Variants in OSBPL10 observed in about 807,000 individuals in gnomAD.
OSBPL10 encodes the protein oxysterol binding protein like 10, also known as oxysterol-binding protein-related protein 10.
In OSBPL10, 49 loss-of-function variants were observed where a neutral mutation model predicts 81.7. The ratio of observed to expected loss-of-function variants is 0.60; its 90% CI spans 0.48 to 0.76. The LOEUF (loss-of-function observed/expected upper bound fraction) is 0.76, where lower values mean the gene tolerates loss of function less well. Ranked by LOEUF, OSBPL10 falls within the 30% of genes least tolerant of loss-of-function variation. The pLI is 0.00. For synonymous variants in OSBPL10, 419 were observed against 383.6 expected (o/e 1.09, Z -1.08); for missense variants, 923 against 987.8 (o/e 0.93, Z 0.88).
At chr3:31,723,321 G>A (rs1430302543) in intron 6 of OSBPL10, among the ~76,000 whole-genome samples, 1 of 152,198 alleles carries the variant, frequency 6.6e-6, no homozygotes. Flanking sequence ...GGCACCTCAT[G>A]GAGTCCACGG....
chr3:31,876,211 C>G lies in OSBPL10; in HGVS notation c.537+222G>C, dbSNP rs146145883. Among the ~76,000 whole-genome samples, 94 of 152,266 alleles carry G rather than the reference C, an allele frequency of 6.2e-4. No homozygotes were observed. The East Asian group carries it at 0.012, about 19-fold the overall frequency. On this transcript the variant is annotated intron_variant, in intron 3 of 11. Transcript: ENST00000396556. ...GAATGCAAAAGTGTCTTTCCAGATT[C>G]GGTTCCCATAGTGTCTGCGTGCCTG...
chr3:31,706,423 G>T (rs1193869333), intron 6 of OSBPL10, among the ~76,000 whole-genome samples: 1 of 152,136 alleles, frequency 6.6e-6, no homozygotes, highest in African/African-American at 2.4e-5. Context: ...AGCCTCTTGA[G>T]GACCAAAGGC....
chr3:31,692,645 T>G (rs969183607), intron 7 of OSBPL10, among the ~76,000 whole-genome samples: 2 of 152,230 alleles, frequency 1.3e-5, no homozygotes, highest in African/African-American at 4.8e-5. Flanking sequence ...ATTTCAGATT[T>G]AAACTGTTTT....
In OSBPL10 at chr3:32,031,269, CTG is replaced by C. The variant is rs1254314819; in HGVS notation, n.298+15220_298+15221del. Among the ~76,000 whole-genome samples the C allele has an allele frequency of 7.2e-5, 11 of 151,946 alleles. No individual in the cohort carries two copies. In the East Asian group the frequency reaches 1.7e-3, roughly 24 times the overall value. On this transcript the variant is annotated intron_variant and non_coding_transcript_variant, in intron 2 of 3. Transcript: ENST00000479173. ...TATTTTACAATTTCAGGGAGAGTAA[CTG>C]TGTTTATCATATTTGAATCTAAAAT...
intron 4 of OSBPL10, among the ~76,000 whole-genome samples, chr3:31,802,968 CTTTTTTT>C (rs376218656): frequency 1.5e-4 from 19 of 129,990 alleles, no homozygotes; most frequent in Non-Finnish European, 1.6e-4. Flanking sequence ...GTATTGGGTC[CTTTTTTT>C]TTTTTTTTTT....
At chr3:31,935,241 G>A (rs1697352488) in intron 1 of OSBPL10, among the ~76,000 whole-genome samples, 2 of 152,092 alleles carry the variant, frequency 1.3e-5, no homozygotes, top group Non-Finnish European at 2.9e-5. Flanking sequence ...TATAATTTTT[G>A]CCACCCAGAG....
chr3:31,833,697 ACG>A (rs143927166), intron 3 of OSBPL10, among the ~76,000 whole-genome samples: 39,701 of 126,538 alleles, frequency 0.31, 5,868 homozygotes, highest in Admixed American at 0.46. Flanking sequence ...AAACACGCAC[ACG>A]CACACGCACA....
At chr3:31,845,569 T>G (rs1559489375) in intron 3 of OSBPL10, among the ~76,000 whole-genome samples, 1 of 152,192 alleles carries the variant, frequency 6.6e-6, no homozygotes, top group Admixed American at 6.5e-5. Flanking sequence ...TTCCTCAACT[T>G]CCTGATAACA....
chr3:31,708,353 C>T (rs1369104630), intron 6 of OSBPL10, among the ~76,000 whole-genome samples: 1 of 152,138 alleles, frequency 6.6e-6, no homozygotes, highest in Non-Finnish European at 1.5e-5. Context: ...CATATTTAAC[C>T]AAATTATCAC....
intron 3 of OSBPL10, among the ~76,000 whole-genome samples, chr3:31,849,564 T>C (rs866540616): frequency 2.2e-4 from 34 of 152,118 alleles, no homozygotes; most frequent in Admixed American, 3.9e-4. Flanking sequence ...TAACAAGGCC[T>C]TTCCTAGGCT....
At chr3:31,842,185 C>T (rs1284483941) in intron 3 of OSBPL10, among the ~76,000 whole-genome samples, 2 of 152,292 alleles carry the variant, frequency 1.3e-5, no homozygotes, top group East Asian at 3.9e-4. Flanking sequence ...GACACACACA[C>T]TTAAGGTCTG....
At chr3:31,936,399 C>G (rs1697380996) in intron 1 of OSBPL10, among the ~76,000 whole-genome samples, 1 of 152,174 alleles carries the variant, frequency 6.6e-6, no homozygotes, top group Admixed American at 6.5e-5. Flanking sequence ...AACAAACAGA[C>G]TCTAGTATTA....
intron 2 of OSBPL10, among the ~76,000 whole-genome samples, chr3:32,040,331 T>C (rs908174416): frequency 7.9e-5 from 12 of 152,012 alleles, no homozygotes; most frequent in Admixed American, 3.3e-4. Flanking sequence ...GGCTTGAACC[T>C]GGGAGGCAGA....
chr3:31,766,332 TTTTTGTTTTTTTTTG>T lies in OSBPL10; in HGVS notation c.730-18227_730-18213del, dbSNP rs1432298268. Among the ~76,000 whole-genome samples, 22 of 25,160 alleles carry T rather than the reference TTTTTGTTTTTTTTTG, an allele frequency of 8.7e-4. 3 individuals carry two copies. Among genetic ancestry groups the T allele is most frequent in the Non-Finnish European group, 1.3e-3 (7 of 5,486 alleles). The allele number at this position is 25,160 out of a possible 152,430, so 16.5% of individuals were successfully genotyped here. A position where few individuals can be genotyped will look rare whatever the true frequency, so the allele number is the denominator to read the frequency against. ...TTTGGCCCAATGTAGTTTTTTTGTTTTTTTGTTTTTTTTTGTTTTTTTTTTGAGACACGGTCTCAC... is the reference window on the plus strand; with the variant it reads ...TTTGGCCCAATGTAGTTTTTTTGTTTTTTTTTTTTTGAGACACGGTCTCAC... On this transcript the variant is annotated intron_variant, in intron 4 of 11. Transcript: ENST00000396556.
intron 2 of OSBPL10, among the ~76,000 whole-genome samples, chr3:31,994,006 C>G (rs917750071): frequency 6.6e-6 from 1 of 152,066 alleles, no homozygotes; most frequent in Non-Finnish European, 1.5e-5. Context: ...AAAATGTAAA[C>G]CAACTATGGT....
rs560457489 is a variant in OSBPL10, at chr3:31,790,542, G to A, written c.729+39498C>T. Among the ~76,000 whole-genome samples, 20 of 152,162 alleles carry A rather than the reference G, an allele frequency of 1.3e-4. No individual in the cohort carries two copies. The East Asian group carries it at 2.7e-3, about 21-fold the overall frequency. ...CATCTGCTAATTAAAAAATACTGAC[G>A]GGGGAAAAAGATGAAGGGCAAAAGA... is the stretch of plus-strand genomic sequence containing the variant. On this transcript the variant is annotated intron_variant, in intron 4 of 11. Transcript: ENST00000396556.
At chr3:31,751,307 G>T (rs79988050) in intron 4 of OSBPL10, among the ~76,000 whole-genome samples, 2 of 151,854 alleles carry the variant, frequency 1.3e-5, no homozygotes, top group East Asian at 3.9e-4. Context: ...TGACCACACC[G>T]CTACACTCCA....
In OSBPL10 at chr3:31,899,203, A is replaced by G. The variant is rs147958427; in HGVS notation, c.282-19373T>C. Among the ~76,000 whole-genome samples the G allele has an allele frequency of 6.3e-3, 956 of 152,156 alleles. 8 individuals are homozygous for G. Among genetic ancestry groups the G allele is most frequent in the African/African-American group, 0.022 (920 of 41,522 alleles). On this transcript the variant is annotated intron_variant, in intron 1 of 11. Transcript: ENST00000396556. Reference sequence around the variant, plus strand: ...GCAATCCGCCCATCTCGGCCTCCCAAAGTGCTAGGATTACAGGCGTAAGCC... The same window carrying G: ...GCAATCCGCCCATCTCGGCCTCCCAGAGTGCTAGGATTACAGGCGTAAGCC...
intron 1 of OSBPL10, among the ~76,000 whole-genome samples, chr3:32,060,433 C>T (rs1009567916): frequency 1.1e-4 from 16 of 152,304 alleles, no homozygotes; most frequent in African/African-American, 3.8e-4. Flanking sequence ...CTTGTCCTTT[C>T]TTAACCCTGC....
Sources: allele counts gnomAD v4.1 joint callset (sites outside exome capture counted in the v4.1 genomes callset), GRCh38; gene constraint gnomAD v4.1.1; transcripts MANE v1.5; gene names NCBI Gene and HGNC (gene_info 2026-07-23, HGNC 2026-07-21).